FDFT1: variants seen among roughly 807,000 people sequenced by gnomAD.
FDFT1 encodes squalene synthase.
Under a neutral mutation model 46.8 loss-of-function variants are expected in FDFT1, and 68 were observed. That is an observed-to-expected ratio of 1.45 (90% CI 1.19 to 1.78). The LOEUF (loss-of-function observed/expected upper bound fraction) is 1.78. FDFT1 is among the 40% of genes most tolerant of loss of function. FDFT1 has a pLI of 0.00. For synonymous variants in FDFT1, 351 were observed against 185.1 expected, an observed-to-expected ratio of 1.90 and a Z score of -7.28; for missense variants, 928 against 524.4, an observed-to-expected ratio of 1.77 and a Z score of -7.52.
rs780209110 is a variant in FDFT1 at position 11,838,573 on chromosome 8, G to C, written c.1218G>C (p.Gln406His). ...GGCAGTACCTGACCACTCTCTCCCAGGTAACAGAAGACTATGTTCAGACTG... is the reference window on the plus strand; with the variant it reads ...GGCAGTACCTGACCACTCTCTCCCACGTAACAGAAGACTATGTTCAGACTG... ...LSWQYLTTLS[Q>H]VTEDYVQTGE... Residue 406 changes from glutamine (Q) to histidine (H), a missense_variant, in exon 8 of 8, where the codon CAG becomes CAC. By Grantham distance (24) the Gln-to-His change is conservative (BLOSUM62 0). Transcript: ENST00000220584. 2 of 1,613,946 alleles carry C rather than the reference G, an allele frequency of 1.2e-6. No individual in the cohort carries two copies. Among genetic ancestry groups the C allele is most frequent in the South Asian group, 1.1e-5 (1 of 91,040 alleles).
At chr8:11,808,392 C>G in intron 1 of FDFT1, 1 of 1,234,612 alleles carries the variant, frequency 8.1e-7, no homozygotes, top group Non-Finnish European at 1.0e-6. Context: ...GGCTGCGGGG[C>G]GGGCCCGTTG....
At chr8:11,802,686 A>G (rs905475973), upstream of FDFT1, 15 of 656,986 alleles carry the variant, frequency 2.3e-5, no homozygotes, top group Admixed American at 3.2e-4. Context: ...AAGTGGGCGG[A>G]GCGGCGGGCG....
At position 11,822,519 on chromosome 8, in the gene FDFT1, A is replaced by G. The variant is rs142108142; in HGVS notation, c.510+641A>G. On this transcript the variant is annotated intron_variant, in intron 4 of 7. Transcript: ENST00000220584. ...ATGACTGCTAGAAATCAATTTCTGC[A>G]TTTAAGGTGAAGTTAGCCGGGTACT... is the stretch of plus-strand genomic sequence containing the variant. 3.1e-3 allele frequency among the ~76,000 whole-genome samples: 466 copies of G among 152,356 alleles called. 1 individual carries two copies. Among genetic ancestry groups the G allele is most frequent in the African/African-American group, 6.4e-3 (266 of 41,592 alleles).
intron 7 of FDFT1, among the ~76,000 whole-genome samples, chr8:11,833,091 C>G (rs929424479): frequency 6.6e-6 from 1 of 152,158 alleles, no homozygotes. Context: ...CTATGGAAGT[C>G]TAAGGGAAGA....
intron 7 of FDFT1, among the ~76,000 whole-genome samples, chr8:11,838,151 G>C (rs1381877153): frequency 1.3e-5 from 2 of 152,246 alleles, no homozygotes; most frequent in Non-Finnish European, 2.9e-5. Flanking sequence ...TCTGGGTGCA[G>C]TATGCACACC....
At chr8:11,812,034 C>G (rs901122311) in intron 3 of FDFT1, among the ~76,000 whole-genome samples, 1 of 152,176 alleles carries the variant, frequency 6.6e-6, no homozygotes, top group African/African-American at 2.4e-5. Flanking sequence ...CAGGATGGAA[C>G]AAGTAGTGTG....
At chr8:11,832,933 T>G (rs1279253488) in intron 7 of FDFT1, among the ~76,000 whole-genome samples, 1 of 152,216 alleles carries the variant, frequency 6.6e-6, no homozygotes. Flanking sequence ...TACAGGAATA[T>G]GGTTTGCAAC....
chr8:11,825,548 A>G (rs1477062660), intron 4 of FDFT1, among the ~76,000 whole-genome samples: 1 of 151,716 alleles, frequency 6.6e-6, no homozygotes, highest in African/African-American at 2.4e-5. Context: ...TCAAAAAAAA[A>G]AAAAAAAAAA....
chr8:11,799,145 CA>C (rs1805854466), upstream of FDFT1, among the ~76,000 whole-genome samples: 1 of 152,232 alleles, frequency 6.6e-6, no homozygotes, highest in Non-Finnish European at 1.5e-5. Context: ...ATTACAATTA[CA>C]CCCTATAGGT....
At chr8:11,801,730 G>A (rs1402445826), upstream of FDFT1, 1 of 313,588 alleles carries the variant, frequency 3.2e-6, no homozygotes, top group African/African-American at 2.3e-5. Flanking sequence ...GTCTTGCTCT[G>A]TTGGCCTGGC....
upstream of FDFT1, among the ~76,000 whole-genome samples, chr8:11,799,148 C>T (rs1585828439): frequency 6.6e-6 from 1 of 152,084 alleles, no homozygotes; most frequent in Admixed American, 6.5e-5. Context: ...ACAATTACAC[C>T]CTATAGGTCA....
chr8:11,831,855 C>A, intron 7 of FDFT1, 185 bp downstream of exon 7: 1 of 589,750 alleles, frequency 1.7e-6, no homozygotes, highest in East Asian at 2.9e-5. Context: ...AGATTGCTCA[C>A]TGCTGTGTAG....
chr8:11,831,284 A>C (rs1563338922), intron 6 of FDFT1, among the ~76,000 whole-genome samples: 1 of 152,224 alleles, frequency 6.6e-6, no homozygotes, highest in Non-Finnish European at 1.5e-5. Flanking sequence ...TTGTGGCTAC[A>C]TTATAGAATT....
chr8:11,817,377 G>A (rs566194089), intron 3 of FDFT1, among the ~76,000 whole-genome samples: 54 of 151,502 alleles, frequency 3.6e-4, no homozygotes, highest in African/African-American at 1.2e-3. Context: ...GATGATGCTG[G>A]CCTCATAAAA....
intron 7 of FDFT1, among the ~76,000 whole-genome samples, chr8:11,835,471 C>T (rs945403011): frequency 1.8e-4 from 28 of 152,236 alleles, no homozygotes; most frequent in Admixed American, 7.2e-4. Context: ...ATTGTATTAC[C>T]GGGGACTGTC....
At chr8:11,835,272 G>GT (rs1811383320) in intron 7 of FDFT1, among the ~76,000 whole-genome samples, 1 of 152,200 alleles carries the variant, frequency 6.6e-6, no homozygotes, top group African/African-American at 2.4e-5. Flanking sequence ...GAAACCTACT[G>GT]TGTGCCTTCA....
At chr8:11,833,885 T>C (rs999632483) in intron 7 of FDFT1, among the ~76,000 whole-genome samples, 4 of 152,244 alleles carry the variant, frequency 2.6e-5, no homozygotes, top group African/African-American at 9.6e-5. Context: ...ATATTAATAC[T>C]TAAGTTGATT....
At chr8:11,831,817 G>A in intron 7 of FDFT1, 147 bp downstream of exon 7, 1 of 708,634 alleles carries the variant, frequency 1.4e-6, no homozygotes, top group Non-Finnish European at 2.4e-6. Context: ...CCTTTATAAG[G>A]AAAAAAGTCT....
upstream of FDFT1, chr8:11,802,658 G>A (rs933473612): frequency 3.9e-5 from 24 of 611,296 alleles, no homozygotes; most frequent in African/African-American, 4.3e-4. Context: ...TAGCCCCGCT[G>A]GCGGCCGAGG....
Sources: gnomAD v4.1 joint callset for allele counts (sites outside exome capture counted in the v4.1 genomes callset) on GRCh38, gnomAD v4.1.1 for gene constraint, MANE v1.5 for transcripts, NCBI Gene and HGNC (gene_info 2026-07-23, HGNC 2026-07-21) for gene names.